Variants in PCDH15 observed in about 807,000 individuals in gnomAD.
The protein encoded by PCDH15 is protocadherin-15.
Under a neutral mutation model 178.5 loss-of-function variants are expected in PCDH15, and 129 were observed. The observed-to-expected ratio is 0.72, with a 90% CI of 0.63 to 0.84. The LOEUF (loss-of-function observed/expected upper bound fraction) is 0.84, where lower values mean the gene tolerates loss of function less well. Among genes scored for constraint, PCDH15 ranks in the 40% least tolerant of loss-of-function variants. The pLI, the probability that PCDH15 is intolerant of heterozygous loss-of-function variation, is 0.00. For synonymous variants in PCDH15, 800 were observed against 732.0 expected (o/e 1.09, Z -1.50); for missense variants, 2,230 against 2,099.9 (o/e 1.06, Z -1.21).
intron 1 of PCDH15, among the ~76,000 whole-genome samples, chr10:55,181,908 T>A (rs1839659866): frequency 6.6e-6 from 1 of 151,996 alleles, no homozygotes. Context: ...GTTTTATTAA[T>A]GTTATCGACC....
chr10:54,599,460 G>A (rs1472385451), intron 2 of PCDH15, among the ~76,000 whole-genome samples: 1 of 152,040 alleles, frequency 6.6e-6, no homozygotes, highest in East Asian at 1.9e-4. Flanking sequence ...GCCATATGCA[G>A]AGATTGAAAC....
intron 3 of PCDH15, among the ~76,000 whole-genome samples, chr10:54,815,251 T>C (rs969485651): frequency 6.6e-6 from 1 of 152,080 alleles, no homozygotes; most frequent in Non-Finnish European, 1.5e-5. Flanking sequence ...AAAATATATG[T>C]AGCTACTAGT....
intron 3 of PCDH15, among the ~76,000 whole-genome samples, chr10:54,381,211 T>C (rs1203890297): frequency 6.6e-6 from 1 of 152,132 alleles, no homozygotes; most frequent in African/African-American, 2.4e-5. Context: ...GTGTTCACTC[T>C]GAATTGCCTG....
At chr10:54,117,271 G>A (rs1245804686) in intron 15 of PCDH15, among the ~76,000 whole-genome samples, 1 of 136,806 alleles carries the variant, frequency 7.3e-6, no homozygotes, top group African/African-American at 2.7e-5. Flanking sequence ...CCAGGTGCCA[G>A]TATAGGAGGA....
At chr10:55,274,300 T>G (rs113314816) in intron 1 of PCDH15, among the ~76,000 whole-genome samples, 1 of 152,116 alleles carries the variant, frequency 6.6e-6, no homozygotes, top group Non-Finnish European at 1.5e-5. Context: ...CTCAGGATAG[T>G]GAATACTGCC....
At chr10:54,626,894 C>T (rs1267527269) in intron 2 of PCDH15, among the ~76,000 whole-genome samples, 2 of 152,174 alleles carry the variant, frequency 1.3e-5, no homozygotes, top group East Asian at 1.9e-4. Flanking sequence ...TGCAAAGCCA[C>T]AGGGATGGAG....
intron 2 of PCDH15, among the ~76,000 whole-genome samples, chr10:54,913,165 T>C (rs1463157296): frequency 1.3e-5 from 2 of 152,184 alleles, no homozygotes; most frequent in South Asian, 2.1e-4. Context: ...AGCCTAATGG[T>C]AGTAGCCAAG....
intron 1 of PCDH15, among the ~76,000 whole-genome samples, chr10:54,689,992 G>C (rs774747841): frequency 6.6e-6 from 1 of 152,120 alleles, no homozygotes; most frequent in Non-Finnish European, 1.5e-5. Flanking sequence ...AGAAACTGTG[G>C]AGTTGCAAAA....
chr10:55,577,819 T>C (rs1475961214), intron 2 of PCDH15, among the ~76,000 whole-genome samples: 3 of 152,208 alleles, frequency 2.0e-5, no homozygotes, highest in Non-Finnish European at 2.9e-5. Flanking sequence ...ACATCTTTTA[T>C]ATAAAAAAAT....
intron 2 of PCDH15, among the ~76,000 whole-genome samples, chr10:55,597,981 G>T (rs1240086094): frequency 1.3e-5 from 2 of 152,038 alleles, no homozygotes; most frequent in African/African-American, 4.8e-5. Context: ...AGATCACCTG[G>T]TTCAAAAGAA....
At chr10:54,251,339 A>G (rs2056453563) in intron 8 of PCDH15, among the ~76,000 whole-genome samples, 1 of 152,168 alleles carries the variant, frequency 6.6e-6, no homozygotes, top group Non-Finnish European at 1.5e-5. Context: ...TTCTTTATAT[A>G]ACCCTTGAGT....
chr10:54,977,451 A>G (rs1839101940), intron 2 of PCDH15, among the ~76,000 whole-genome samples: 1 of 152,150 alleles, frequency 6.6e-6, no homozygotes, highest in South Asian at 2.1e-4. Context: ...CACTCCTATC[A>G]GTGCCATGAA....
intron 2 of PCDH15, among the ~76,000 whole-genome samples, chr10:54,956,459 A>T (rs1041510844): frequency 6.6e-5 from 10 of 151,502 alleles, no homozygotes; most frequent in Non-Finnish European, 1.3e-4. Flanking sequence ...GAACTTACAT[A>T]CACTTAAGAT....
At chr10:54,578,880 T>C (rs564354710) in intron 2 of PCDH15, among the ~76,000 whole-genome samples, 1 of 152,238 alleles carries the variant, frequency 6.6e-6, no homozygotes, top group South Asian at 2.1e-4. Context: ...ACTAATAATT[T>C]CATATTCCTC....
At chr10:53,980,635 T>C (rs1018829890) in intron 21 of PCDH15, among the ~76,000 whole-genome samples, 5 of 152,192 alleles carry the variant, frequency 3.3e-5, no homozygotes, top group African/African-American at 9.6e-5. Flanking sequence ...AAGTGTGTCA[T>C]TCTCCATCAA....
intron 2 of PCDH15, among the ~76,000 whole-genome samples, chr10:55,024,707 T>C (rs1207368840): frequency 1.3e-5 from 2 of 152,118 alleles, no homozygotes; most frequent in Non-Finnish European, 1.5e-5. Flanking sequence ...CTTACTTCCT[T>C]ATATTCTTGA....
At chr10:54,657,281 G>A (rs1186169931) in intron 2 of PCDH15, among the ~76,000 whole-genome samples, 1 of 152,014 alleles carries the variant, frequency 6.6e-6, no homozygotes, top group Admixed American at 6.6e-5. Context: ...CCCAGGATGA[G>A]GACCTGGTAT....
intron 2 of PCDH15, among the ~76,000 whole-genome samples, chr10:54,986,314 G>A (rs1839362883): frequency 6.7e-6 from 1 of 149,194 alleles, no homozygotes; most frequent in Admixed American, 6.7e-5. Context: ...GCAAAATACA[G>A]CCAGAAATTC....
At chr10:55,410,909 C>G (rs774825416) in intron 2 of PCDH15, among the ~76,000 whole-genome samples, 1 of 152,022 alleles carries the variant, frequency 6.6e-6, no homozygotes, top group Non-Finnish European at 1.5e-5. Context: ...CTCACAGGCC[C>G]TTCAAGTAGG....
Sources: allele counts gnomAD v4.1 joint callset (sites outside exome capture counted in the v4.1 genomes callset), GRCh38; gene constraint gnomAD v4.1.1; transcripts MANE v1.5; gene names NCBI Gene and HGNC (gene_info 2026-07-23, HGNC 2026-07-21).